The following NUP153 variants were observed in gnomAD, a reference collection of about 807,000 sequenced individuals.
The protein encoded by NUP153 is nucleoporin 153.
Under a neutral mutation model 134.6 loss-of-function variants are expected in NUP153, and 27 were observed. The observed-to-expected ratio is 0.20, with a 90% confidence interval of 0.15 to 0.28. The LOEUF (loss-of-function observed/expected upper bound fraction) is 0.28. Among genes scored for constraint, NUP153 ranks in the 10% least tolerant of loss-of-function variants. The pLI, the probability that NUP153 is intolerant of heterozygous loss-of-function variation, is 1.00. For missense variants in NUP153, 1,821 were observed against 1,731.3 expected (o/e 1.05, Z -0.92); for synonymous variants, 640 against 623.5 (o/e 1.03, Z -0.40).
intron 2 of NUP153, among the ~76,000 whole-genome samples, chr6:17,687,671 ATTAT>A (rs1270503447): frequency 6.6e-6 from 1 of 152,224 alleles, no homozygotes; most frequent in African/African-American, 2.4e-5. Flanking sequence ...AACCAAATCA[ATTAT>A]TTATTTGAGA....
Position 17,628,878 on chromosome 6 carries a change from C to T in NUP153, c.3321G>A (p.Gln1107=), listed in dbSNP as rs762652151. 3.1e-6 allele frequency: 5 copies of T among 1,614,102 alleles called. No homozygotes were observed. The highest frequency in any genetic ancestry group is 1.7e-5 in the Admixed American group (1 of 60,004). The part of the protein sequence containing the change: ...VFVLGRTEEK[Q]QEPVTSTSLV... Reference sequence around the variant, plus strand: ...GGGAAGTAGAAGTGACAGGCTCTTGCTGTTTCTCTTCTGTCCTTCCCAAAA... The same window carrying T: ...GGGAAGTAGAAGTGACAGGCTCTTGTTGTTTCTCTTCTGTCCTTCCCAAAA... The change falls in exon 18 of 22, where the codon CAG becomes CAA. Residue 1107 remains glutamine (Q), a synonymous_variant. Coordinates refer to ENST00000262077, the MANE Select transcript of NUP153 (RefSeq NM_005124.4). The surrounding 1 kb of genome is among the most constrained non-coding windows in gnomAD (Gnocchi z 5.4).
chr6:17,660,432 T>C (rs904075580), intron 11 of NUP153, among the ~76,000 whole-genome samples: 29 of 152,074 alleles, frequency 1.9e-4, no homozygotes, highest in African/African-American at 7.0e-4. Flanking sequence ...TTAAAGTAGT[T>C]AGAAAAAAAG....
Position 17,649,147 on chromosome 6 carries a change from T to C in NUP153, c.1533+16A>G, listed in dbSNP as rs752454306. On this transcript the variant is annotated intron_variant, in intron 12 of 21. Coordinates refer to ENST00000262077, the MANE Select transcript of NUP153 (RefSeq NM_005124.4). ...AAAGAACAAATGTCACCTGTATTTA[T>C]ATAATGGTTTTGTACCTTGTTTGTT... 4.4e-6 allele frequency: 7 copies of C among 1,598,038 alleles called. No individual in the cohort carries two copies. Among genetic ancestry groups the C allele is most frequent in the Non-Finnish European group, 5.1e-6 (6 of 1,173,738 alleles).
chr6:17,649,953 C>T (rs954133009), intron 11 of NUP153, among the ~76,000 whole-genome samples: 8 of 152,250 alleles, frequency 5.3e-5, no homozygotes, highest in African/African-American at 1.9e-4. Context: ...GCATGTGAAA[C>T]AAGCATTTAG....
intron 5 of NUP153, among the ~76,000 whole-genome samples, chr6:17,671,298 G>T (rs188891782): frequency 7.4e-4 from 112 of 151,838 alleles, no homozygotes; most frequent in African/African-American, 2.6e-3. Context: ...TTGGTCTCGG[G>T]GTAATAATGT....
chr6:17,657,854 A>G (rs1581715440), intron 11 of NUP153, among the ~76,000 whole-genome samples: 1 of 152,230 alleles, frequency 6.6e-6, no homozygotes, highest in African/African-American at 2.4e-5. Context: ...ACATTCTTAA[A>G]TGTGGTTACA....
intron 1 of NUP153, among the ~76,000 whole-genome samples, chr6:17,700,083 A>G (rs1581786576): frequency 6.6e-6 from 1 of 152,176 alleles, no homozygotes; most frequent in Non-Finnish European, 1.5e-5. Context: ...AGTCACCTAA[A>G]GGAAACAAAA....
At chr6:17,690,004 C>A (rs1328255278) in intron 1 of NUP153, among the ~76,000 whole-genome samples, 1 of 152,072 alleles carries the variant, frequency 6.6e-6, no homozygotes, top group African/African-American at 2.4e-5. Context: ...ATAAGACAAA[C>A]AATGAAGTTA....
rs556521970 is a variant in NUP153, at chr6:17,632,634, A to T, written c.2659+16T>A. Reference sequence around the variant, plus strand: ...GCGCTTTACCATCACCTTTATTTTTATTTTTTTGGCCTTACCTTTAAACCC... The same window carrying T: ...GCGCTTTACCATCACCTTTATTTTTTTTTTTTTGGCCTTACCTTTAAACCC... On this transcript the variant is annotated intron_variant, in intron 17 of 21. Coordinates refer to ENST00000262077, the MANE Select transcript of NUP153 (RefSeq NM_005124.4). The T allele has an allele frequency of 1.8e-5, 29 of 1,570,104 alleles. No individual in the cohort carries two copies. In the South Asian group the frequency reaches 2.8e-4, roughly 15 times the overall value.
intron 2 of NUP153, among the ~76,000 whole-genome samples, chr6:17,686,294 G>C (rs368903984): frequency 8.5e-5 from 13 of 152,276 alleles, no homozygotes; most frequent in African/African-American, 2.9e-4. Context: ...AGAGTATCCA[G>C]TGCGACAAGA....
rs537909381 is a variant in NUP153, at chr6:17,652,376, C to T, written c.1396-3076G>A. 2.9e-4 allele frequency among the ~76,000 whole-genome samples: 44 copies of T among 152,150 alleles called. 1 individual carries two copies. In the South Asian group the frequency reaches 7.2e-3, roughly 25 times the overall value. ...TGAAATTATATTAGAAATCAATACCCTCCCCCCCAAATATTAGGAAATTCA... is the reference window on the plus strand; with the variant it reads ...TGAAATTATATTAGAAATCAATACCTTCCCCCCCAAATATTAGGAAATTCA... On this transcript the variant is annotated intron_variant, in intron 11 of 21. Transcript: ENST00000262077.
In NUP153 at chr6:17,675,155, GAA is replaced by G. The variant is rs11418400; in HGVS notation, c.723+72_723+73del. 1,315 of 1,277,394 alleles carry G rather than the reference GAA, an allele frequency of 1.0e-3. No homozygotes were observed. Among genetic ancestry groups the G allele is most frequent in the South Asian group, 2.0e-3 (137 of 68,192 alleles). The allele number at this position is 1,277,394 out of a possible 1,614,324, so 79.1% of individuals were successfully genotyped here. On this transcript the variant is annotated intron_variant, in intron 4 of 21. Coordinates refer to ENST00000262077, the MANE Select transcript of NUP153 (RefSeq NM_005124.4). This position sits in a 1 kb window ranked among gnomAD's most constrained non-coding sequence, Gnocchi z 4.4. ...GCAACAGCAAAAGACTCTTGTCTCA[GAA>G]AAAAAAAAAAAAATTATAAGCAATA...
intron 1 of NUP153, among the ~76,000 whole-genome samples, chr6:17,692,603 C>T (rs1052946256): frequency 3.3e-5 from 5 of 152,240 alleles, no homozygotes; most frequent in African/African-American, 1.2e-4. Context: ...GAACAAACAT[C>T]CTTGTGTTTC....
At chr6:17,697,780 A>G (rs530326444) in intron 1 of NUP153, among the ~76,000 whole-genome samples, 11 of 152,264 alleles carry the variant, frequency 7.2e-5, no homozygotes, top group African/African-American at 2.4e-4. Context: ...AGGCTATTCT[A>G]TAACACTAAC....
chr6:17,668,290 G>C lies in NUP153; in HGVS notation c.1068+685C>G, dbSNP rs575653527. 3.3e-5 allele frequency among the ~76,000 whole-genome samples: 5 copies of C among 151,814 alleles called. No homozygotes were observed. In the South Asian group the frequency reaches 1.0e-3, roughly 32 times the overall value. On this transcript the variant is annotated intron_variant, in intron 8 of 21. Transcript: ENST00000262077. The stretch of plus-strand genomic sequence containing the variant: ...AGACAGGGTTTCACCATGTTGTCCA[G>C]GCTGGTTTTGAACTCCTGACCTCAA...
chr6:17,669,777 G>A (rs1020326707), intron 5 of NUP153, among the ~76,000 whole-genome samples: 1 of 152,018 alleles, frequency 6.6e-6, no homozygotes, highest in Non-Finnish European at 1.5e-5. Context: ...ACAAAAGAAT[G>A]ATAAGACAGC....
chr6:17,618,599 T>C (rs1764465428), intron 20 of NUP153, among the ~76,000 whole-genome samples: 2 of 150,626 alleles, frequency 1.3e-5, no homozygotes, highest in South Asian at 4.2e-4. Flanking sequence ...GGAGTCTGGC[T>C]CTGTTGCCCA....
intron 14 of NUP153, among the ~76,000 whole-genome samples, chr6:17,644,714 G>T (rs1280263548): frequency 1.3e-5 from 2 of 152,080 alleles, no homozygotes; most frequent in East Asian, 3.9e-4. Flanking sequence ...AGGCCAAGGT[G>T]GGCAGATCAC....
At chr6:17,661,944 A>AG in intron 10 of NUP153, 74 bp downstream of exon 10, 2 of 1,286,328 alleles carry the variant, frequency 1.6e-6, no homozygotes, top group Non-Finnish European at 2.2e-6. Flanking sequence ...ATCTTCAAAA[A>AG]GGTACATGTA....
Sources: allele counts gnomAD v4.1 joint callset (sites outside exome capture counted in the v4.1 genomes callset), GRCh38; gene constraint gnomAD v4.1.1; non-coding constraint Gnocchi (gnomAD v3.1); transcripts MANE v1.5; gene names NCBI Gene and HGNC (gene_info 2026-07-23, HGNC 2026-07-21).